CDK14: variants seen among roughly 807,000 people sequenced by gnomAD.
CDK14 encodes cyclin-dependent kinase 14.
In CDK14, 34 loss-of-function variants were observed where a neutral mutation model predicts 60.7. The observed-to-expected ratio is 0.56, with a 90% CI of 0.43 to 0.75. The LOEUF is 0.75. CDK14 is among the 30% of genes least tolerant of loss of function. CDK14 has a pLI of 0.00. For missense variants in CDK14, 482 were observed against 564.1 expected, an observed-to-expected ratio of 0.85 and a Z score of 1.47; for synonymous variants, 197 against 203.7, an observed-to-expected ratio of 0.97 and a Z score of 0.28.
intron 10 of CDK14, among the ~76,000 whole-genome samples, chr7:91,004,852 C>T (rs971215187): frequency 4.6e-5 from 7 of 152,128 alleles, no homozygotes; most frequent in African/African-American, 1.7e-4. Context: ...ACAAGGATGG[C>T]TTAATATACT....
chr7:91,001,401 G>A (rs1290509001), intron 10 of CDK14, among the ~76,000 whole-genome samples: 1 of 152,142 alleles, frequency 6.6e-6, no homozygotes, highest in African/African-American at 2.4e-5. Flanking sequence ...TGTCGCTTCA[G>A]ATGGTAAGAT....
At chr7:91,097,207 C>T (rs554734346) in intron 12 of CDK14, among the ~76,000 whole-genome samples, 1 of 152,040 alleles carries the variant, frequency 6.6e-6, no homozygotes, top group Non-Finnish European at 1.5e-5. Flanking sequence ...ATGGTGAAAC[C>T]CTGTATCTAC....
chr7:90,896,838 G>A (rs1345226681), intron 6 of CDK14, among the ~76,000 whole-genome samples: 7 of 152,146 alleles, frequency 4.6e-5, no homozygotes, highest in African/African-American at 1.7e-4. Flanking sequence ...ATTCAGTTTT[G>A]AGGAAAGGAT....
At chr7:90,752,184 A>C (rs1161366427) in intron 4 of CDK14, among the ~76,000 whole-genome samples, 1 of 152,186 alleles carries the variant, frequency 6.6e-6, no homozygotes, top group South Asian at 2.1e-4. Context: ...CCTAATAGGC[A>C]TCTACAGGAT....
At chr7:90,763,297 A>G (rs1177613088) in intron 4 of CDK14, among the ~76,000 whole-genome samples, 1 of 152,186 alleles carries the variant, frequency 6.6e-6, no homozygotes, top group Non-Finnish European at 1.5e-5. Context: ...CAGTACTGCC[A>G]AAGTAAACAA....
chr7:90,761,659 T>A (rs1351387398), intron 4 of CDK14, among the ~76,000 whole-genome samples: 1 of 152,180 alleles, frequency 6.6e-6, no homozygotes, highest in Non-Finnish European at 1.5e-5. Flanking sequence ...AGTGGTGGTG[T>A]CACTGGCATG....
intron 10 of CDK14, among the ~76,000 whole-genome samples, chr7:91,007,519 C>T (rs2115789646): frequency 6.6e-6 from 1 of 152,314 alleles, no homozygotes; most frequent in South Asian, 2.1e-4. Flanking sequence ...AGACAGAACA[C>T]TGCTAGACAC....
In CDK14 at chr7:90,604,209, A is replaced by G. The variant is rs764532840; in HGVS notation, c.92-9A>G. ...CAATAACTGTTTCCTTTTCCTTCTT[A>G]TTTTATAGCTTTGAAGAAAGATGAC... On this transcript the variant is annotated splice_polypyrimidine_tract_variant and intron_variant, in intron 1 of 14. Transcript: ENST00000380050. 1 of 1,522,552 alleles carries G rather than the reference A, an allele frequency of 6.6e-7. No homozygotes were observed. The highest frequency in any genetic ancestry group is 2.0e-5 in the Admixed American group (1 of 48,940). The allele number at this position is 1,522,552 out of a possible 1,614,324, so 94.3% of individuals were successfully genotyped here. A position where few individuals can be genotyped will look rare whatever the true frequency, so the allele number is the denominator to read the frequency against.
At chr7:90,968,132 A>T (rs1297721812) in intron 9 of CDK14, among the ~76,000 whole-genome samples, 1 of 152,214 alleles carries the variant, frequency 6.6e-6, no homozygotes, top group Non-Finnish European at 1.5e-5. Flanking sequence ...AATTACTATA[A>T]GTTAAATATT....
At chr7:90,697,059 G>C (rs1405761573) in intron 2 of CDK14, among the ~76,000 whole-genome samples, 1 of 152,106 alleles carries the variant, frequency 6.6e-6, no homozygotes, top group Non-Finnish European at 1.5e-5. Context: ...TGATTAAAAT[G>C]GGTTTAAGAA....
At chr7:90,663,562 A>G (rs1800907503) in intron 2 of CDK14, among the ~76,000 whole-genome samples, 1 of 152,152 alleles carries the variant, frequency 6.6e-6, no homozygotes, top group Non-Finnish European at 1.5e-5. Flanking sequence ...AAATATTCCC[A>G]TGCACTGAAT....
chr7:91,199,356 C>G (rs1802647952), intron 14 of CDK14, among the ~76,000 whole-genome samples: 1 of 151,602 alleles, frequency 6.6e-6, no homozygotes, highest in Non-Finnish European at 1.5e-5. Flanking sequence ...TTAAACATGC[C>G]TTGGTGTATC....
chr7:91,048,453 T>A (rs1454089164), intron 11 of CDK14, among the ~76,000 whole-genome samples: 1 of 152,212 alleles, frequency 6.6e-6, no homozygotes, highest in Non-Finnish European at 1.5e-5. Context: ...TATTAATGCA[T>A]TGAGTACCCT....
Position 90,685,957 on chromosome 7 carries a change from CT to C in CDK14, c.124-40605del, listed in dbSNP as rs1319302328. 6.6e-5 allele frequency among the ~76,000 whole-genome samples: 10 copies of C among 151,916 alleles called. No homozygotes were observed. In the East Asian group the frequency reaches 9.7e-4, roughly 15 times the overall value. On this transcript the variant is annotated intron_variant, in intron 2 of 14. Coordinates refer to ENST00000380050, the MANE Select transcript of CDK14 (RefSeq NM_001287135.2). ...TCTTTTTGTTGATATTTTGATTGTA[CT>C]TTTTATTTAACTAAATTTTCTCTTT...
intron 5 of CDK14, among the ~76,000 whole-genome samples, chr7:90,854,453 C>G (rs552599225): frequency 2.0e-5 from 3 of 152,216 alleles, no homozygotes; most frequent in African/African-American, 7.2e-5. Flanking sequence ...TCACTTGAGC[C>G]TGGGAGGTTG....
chr7:90,946,304 C>T (rs1397986270), intron 8 of CDK14, among the ~76,000 whole-genome samples: 1 of 152,134 alleles, frequency 6.6e-6, no homozygotes, highest in Non-Finnish European at 1.5e-5. Flanking sequence ...TTATTTACTA[C>T]ATTAGCAATG....
chr7:90,926,683 C>T (rs1454799317), intron 8 of CDK14, among the ~76,000 whole-genome samples: 1 of 152,166 alleles, frequency 6.6e-6, no homozygotes, highest in Non-Finnish European at 1.5e-5. Flanking sequence ...AATTCACCAA[C>T]ACCTCAGACA....
At chr7:90,857,277 G>T (rs1339976369) in intron 5 of CDK14, among the ~76,000 whole-genome samples, 1 of 152,090 alleles carries the variant, frequency 6.6e-6, no homozygotes, top group Non-Finnish European at 1.5e-5. Flanking sequence ...TTCTCAAAGT[G>T]GGATGCCAAG....
At chr7:91,101,641 T>C (rs1410212251) in intron 12 of CDK14, among the ~76,000 whole-genome samples, 3 of 152,152 alleles carry the variant, frequency 2.0e-5, no homozygotes, top group African/African-American at 7.2e-5. Flanking sequence ...CAACTCTGTG[T>C]CTTCATTATT....
Sources: gnomAD v4.1 joint callset for allele counts (sites outside exome capture counted in the v4.1 genomes callset) on GRCh38, gnomAD v4.1.1 for gene constraint, MANE v1.5 for transcripts, NCBI Gene and HGNC (gene_info 2026-07-23, HGNC 2026-07-21) for gene names.